The following SLC1A2 variants were observed in gnomAD, a reference collection of about 807,000 sequenced individuals.
The protein encoded by SLC1A2 is excitatory amino acid transporter 2.
In SLC1A2, 15 loss-of-function variants were observed where a neutral mutation model predicts 48.8. The observed-to-expected ratio is 0.31, with a 90% CI of 0.21 to 0.47. The LOEUF (loss-of-function observed/expected upper bound fraction) is 0.47. SLC1A2 is among the 20% of genes least tolerant of loss of function. The pLI is 0.99. For missense variants in SLC1A2, 502 were observed against 730.5 expected (o/e 0.69, Z 3.61); for synonymous variants, 279 against 272.6 (o/e 1.02, Z -0.23).
At chr11:35,305,833 G>A (rs1851483722) in intron 5 of SLC1A2, among the ~76,000 whole-genome samples, 1 of 152,146 alleles carries the variant, frequency 6.6e-6, no homozygotes, top group Admixed American at 6.5e-5. Context: ...ATGACGGTGA[G>A]CTCCCTCCTT....
Position 35,259,752 on chromosome 11 carries a change from G to C in SLC1A2, c.*1142C>G, listed in dbSNP as rs1439188734. Reference sequence around the variant, plus strand: ...AGGAAGACTGGCTCTGCTTCCAACTGTGTCCTATAACTGGTTTTATGTGCT... The same window carrying C: ...AGGAAGACTGGCTCTGCTTCCAACTCTGTCCTATAACTGGTTTTATGTGCT... On this transcript the variant is annotated 3_prime_UTR_variant, in exon 11 of 11. Coordinates refer to ENST00000278379, the MANE Select transcript of SLC1A2 (RefSeq NM_004171.4). 6.6e-6 allele frequency: 1 copy of C among 152,196 alleles called. No homozygotes were observed. Among genetic ancestry groups the C allele is most frequent in the East Asian group, 1.9e-4 (1 of 5,198 alleles). 9.4% of individuals were successfully genotyped at this position (152,196 alleles called of 1,614,324 possible). A position where few individuals can be genotyped will look rare whatever the true frequency, so the allele number is the denominator to read the frequency against.
In SLC1A2 at chr11:35,317,474, G is replaced by A; in HGVS notation, c.60C>T (p.Asp20=). The A allele has an allele frequency of 6.2e-7, 1 of 1,614,166 alleles. No homozygotes were observed. The change falls in exon 2 of 11, where the codon GAC becomes GAT. Residue 20 remains aspartate (D), a synonymous_variant. Transcript: ENST00000278379. ...TGGGTTCCTCTGAGCCAAGATGACT[G>A]TCGTGCATTCGCACTTCCACCTGCT... The part of the protein sequence containing the change: ...MPKQVEVRMH[D]SHLGSEEPKH...
intron 1 of SLC1A2, among the ~76,000 whole-genome samples, chr11:35,387,158 G>C (rs1359831535): frequency 6.6e-6 from 1 of 152,088 alleles, no homozygotes; most frequent in African/African-American, 2.4e-5. Context: ...ACTTGATCCT[G>C]GTCAATCAAT....
intron 6 of SLC1A2, among the ~76,000 whole-genome samples, chr11:35,295,868 A>G (rs6484778): frequency 0.43 from 64,656 of 151,798 alleles, 13,962 homozygotes; most frequent in South Asian, 0.55. Flanking sequence ...GTCGGTGTCC[A>G]GGTGCCAGAA....
At position 35,405,353 on chromosome 11, in the gene SLC1A2, A is replaced by G. The variant is rs144838736; in HGVS notation, c.17+13597T>C. On this transcript the variant is annotated intron_variant, in intron 1 of 10. Coordinates refer to ENST00000278379, the MANE Select transcript of SLC1A2 (RefSeq NM_004171.4). ...TGTCTCTTTAATAGTTAAAAGATCA[A>G]TTTAACAACAACGTTGTCTGCTTCT... 5.2e-3 allele frequency among the ~76,000 whole-genome samples: 793 copies of G among 152,272 alleles called. 3 individuals are homozygous for G. The highest frequency in any genetic ancestry group is 7.6e-3 in the Non-Finnish European group (515 of 68,030).
intron 1 of SLC1A2, among the ~76,000 whole-genome samples, chr11:35,379,379 C>T (rs1184258838): frequency 6.6e-6 from 1 of 152,240 alleles, no homozygotes; most frequent in Non-Finnish European, 1.5e-5. Context: ...AAATCCTTTG[C>T]CACATTTAGA....
At chr11:35,324,687 C>A (rs917649833) in intron 1 of SLC1A2, among the ~76,000 whole-genome samples, 3 of 152,088 alleles carry the variant, frequency 2.0e-5, no homozygotes, top group African/African-American at 4.8e-5. Flanking sequence ...TGGGAAGGTC[C>A]CACTGCCATC....
chr11:35,257,916 CTAT>C lies in SLC1A2; in HGVS notation c.*2975_*2977del, dbSNP rs1196278045. 4 of 152,130 alleles carry C rather than the reference CTAT, an allele frequency of 2.6e-5. No individual in the cohort carries two copies. Among genetic ancestry groups the C allele is most frequent in the African/African-American group, 9.7e-5 (4 of 41,418 alleles). 9.4% of individuals were successfully genotyped at this position (152,130 alleles called of 1,614,324 possible). On this transcript the variant is annotated 3_prime_UTR_variant, in exon 11 of 11. Coordinates refer to ENST00000278379, the MANE Select transcript of SLC1A2 (RefSeq NM_004171.4). ...TTATGCATTATCAAATAGTAACAGACTATTACAAGCATTCATATATATGTTGAA... is the reference window on the plus strand; with the variant it reads ...TTATGCATTATCAAATAGTAACAGACTACAAGCATTCATATATATGTTGAA...
At chr11:35,311,057 A>G (rs1159662113) in intron 4 of SLC1A2, among the ~76,000 whole-genome samples, 1 of 152,250 alleles carries the variant, frequency 6.6e-6, no homozygotes, top group Admixed American at 6.5e-5. Context: ...AGATGACTTT[A>G]AAACATTGTT....
In SLC1A2 at chr11:35,381,517, C is replaced by T. The variant is rs7119728; in HGVS notation, c.17+37433G>A. On this transcript the variant is annotated intron_variant, in intron 1 of 10. Transcript: ENST00000278379. ...GCTGAATCCCTAGACATCCCAGTTA[C>T]CTTACCCATAAAGATCACCCCTTCT... Among the ~76,000 whole-genome samples the T allele has an allele frequency of 4.0e-3, 611 of 152,200 alleles. 4 individuals are homozygous for T. Among genetic ancestry groups the T allele is most frequent in the African/African-American group, 0.014 (592 of 41,532 alleles).
chr11:35,261,520 G>C (rs1383747581), intron 10 of SLC1A2: 5 of 395,700 alleles, frequency 1.3e-5, no homozygotes, highest in Non-Finnish European at 2.2e-5. Context: ...TGGTGACAAT[G>C]TTTATCTAAA....
intron 1 of SLC1A2, among the ~76,000 whole-genome samples, chr11:35,375,490 G>C (rs867536277): frequency 2.5e-4 from 38 of 152,002 alleles, no homozygotes; most frequent in African/African-American, 8.0e-4. Flanking sequence ...TCTCACGACT[G>C]CAGGTGCAGG....
chr11:35,358,223 T>A (rs1590225178), intron 1 of SLC1A2, among the ~76,000 whole-genome samples: 1 of 152,220 alleles, frequency 6.6e-6, no homozygotes, highest in East Asian at 1.9e-4. Context: ...TTGATGTATG[T>A]TATGACTAGA....
chr11:35,412,117 C>T (rs1208504518), intron 1 of SLC1A2, among the ~76,000 whole-genome samples: 1 of 149,086 alleles, frequency 6.7e-6, no homozygotes, highest in Admixed American at 6.7e-5. Context: ...GGATTAATTG[C>T]AAAATATGGA....
In SLC1A2 at chr11:35,259,025, CCA is replaced by C. The variant is rs1176303713; in HGVS notation, c.*1867_*1868del. 1 of 152,280 alleles carries C rather than the reference CCA, an allele frequency of 6.6e-6. No individual in the cohort carries two copies. Among genetic ancestry groups the C allele is most frequent in the Non-Finnish European group, 1.5e-5 (1 of 68,022 alleles). The allele number at this position is 152,280 out of a possible 1,614,324, so 9.4% of individuals were successfully genotyped here. A position where few individuals can be genotyped will look rare whatever the true frequency, so the allele number is the denominator to read the frequency against. Reference sequence around the variant, plus strand: ...TGACCACCCTGACCCTGTTTACTGCCCATCTACTGGAAATAAAGACCAATGTC... The same window carrying C: ...TGACCACCCTGACCCTGTTTACTGCCTCTACTGGAAATAAAGACCAATGTC... On this transcript the variant is annotated 3_prime_UTR_variant, in exon 11 of 11. Coordinates refer to ENST00000278379, the MANE Select transcript of SLC1A2 (RefSeq NM_004171.4).
At chr11:35,335,277 C>A (rs947847139) in intron 1 of SLC1A2, among the ~76,000 whole-genome samples, 41 of 152,162 alleles carry the variant, frequency 2.7e-4, no homozygotes, top group Non-Finnish European at 5.4e-4. Flanking sequence ...GCTGCTAATT[C>A]TTCACAAATA....
chr11:35,340,021 C>A (rs1353367412), intron 1 of SLC1A2, among the ~76,000 whole-genome samples: 1 of 152,200 alleles, frequency 6.6e-6, no homozygotes, highest in Non-Finnish European at 1.5e-5. Context: ...ATTTAAATGA[C>A]CAAAACCCCA....
chr11:35,360,305 A>G (rs1164308154), intron 1 of SLC1A2, among the ~76,000 whole-genome samples: 1 of 152,112 alleles, frequency 6.6e-6, no homozygotes, highest in Non-Finnish European at 1.5e-5. Flanking sequence ...TTGGCCTTTG[A>G]TGTCCCTTTT....
At chr11:35,319,766 C>A (rs1851999147) in intron 1 of SLC1A2, among the ~76,000 whole-genome samples, 1 of 152,150 alleles carries the variant, frequency 6.6e-6, no homozygotes, top group South Asian at 2.1e-4. Flanking sequence ...TAGGCCATAA[C>A]AAAATGTCCC....
Sources: allele counts gnomAD v4.1 joint callset (sites outside exome capture counted in the v4.1 genomes callset), GRCh38; gene constraint gnomAD v4.1.1; transcripts MANE v1.5; gene names NCBI Gene and HGNC (gene_info 2026-07-23, HGNC 2026-07-21).